Variants in ZFP90 observed in about 807,000 individuals in gnomAD.
The protein encoded by ZFP90 is ZFP90 zinc finger protein, also known as zinc finger protein 90 homolog.
ZFP90 carries 38 observed loss-of-function variants against 60.8 expected under a neutral mutation model. That is an observed-to-expected ratio of 0.62 (90% CI 0.48 to 0.82). The LOEUF (loss-of-function observed/expected upper bound fraction) is 0.82, where lower values mean the gene tolerates loss of function less well. ZFP90 is among the 40% of genes least tolerant of loss of function. The pLI is 0.00. For missense variants in ZFP90, 711 were observed against 759.1 expected (o/e 0.94, Z 0.74); for synonymous variants, 287 against 264.8 (o/e 1.08, Z -0.82).
chr16:68,576,036 TA>T (rs2091592645), exon 3 of ZFP90: 4 of 297,850 alleles, frequency 1.3e-5, no homozygotes, highest in Non-Finnish European at 2.2e-5. Context: ...AGGAAACATT[TA>T]TTTAAAAAAA....
chr16:68,548,118 T>G (rs1042084979), intron 2 of ZFP90, among the ~76,000 whole-genome samples: 4 of 152,096 alleles, frequency 2.6e-5, no homozygotes, highest in African/African-American at 9.7e-5. Flanking sequence ...TGAGCCACCG[T>G]GTCCGGCCCA....
At chr16:68,553,781 G>A (rs7202306) in intron 2 of ZFP90, among the ~76,000 whole-genome samples, 116,176 of 151,478 alleles carry the variant, frequency 0.77, 44,621 homozygotes, top group East Asian at 0.82. Context: ...ACCATGCCCA[G>A]CTAATTTTAA....
chr16:68,545,941 G>A (rs538879537), intron 2 of ZFP90, among the ~76,000 whole-genome samples: 119 of 152,316 alleles, frequency 7.8e-4, no homozygotes, highest in Non-Finnish European at 1.2e-3. Context: ...TTGGGAGGCC[G>A]AGACAGGCGA....
chr16:68,574,533 G>A (rs1020185399), intron 2 of ZFP90, among the ~76,000 whole-genome samples: 1 of 152,000 alleles, frequency 6.6e-6, no homozygotes, highest in Admixed American at 6.5e-5. Flanking sequence ...GAGCTAAGGA[G>A]AGTAAAGAAT....
chr16:68,569,977 T>C (rs939508649), downstream of ZFP90, among the ~76,000 whole-genome samples: 2 of 152,182 alleles, frequency 1.3e-5, no homozygotes, highest in Non-Finnish European at 2.9e-5. Flanking sequence ...ATTTTTTTTT[T>C]CGTCTACTGG....
chr16:68,544,958 C>G (rs1230607001), intron 2 of ZFP90, among the ~76,000 whole-genome samples: 2 of 139,476 alleles, frequency 1.4e-5, no homozygotes, highest in Non-Finnish European at 3.0e-5. Context: ...CGGCTCACTA[C>G]AACCTCCGCC....
chr16:68,534,919 TAAAAA>T (rs1279847439), upstream of ZFP90, among the ~76,000 whole-genome samples: 1 of 152,120 alleles, frequency 6.6e-6, no homozygotes, highest in Admixed American at 6.6e-5. Flanking sequence ...AATAAATAAA[TAAAAA>T]TAAAATAAAT....
At chr16:68,540,094 C>T (rs2152052613) in intron 2 of ZFP90, among the ~76,000 whole-genome samples, 1 of 152,200 alleles carries the variant, frequency 6.6e-6, no homozygotes, top group Non-Finnish European at 1.5e-5. Context: ...TTTTGAGAGT[C>T]CTGAATGCCA....
Position 68,564,138 on chromosome 16 carries a change from C to A in ZFP90, c.1351C>A (p.His451Asn), listed in dbSNP as rs1473913674. 6.2e-7 allele frequency: 1 copy of A among 1,614,044 alleles called. No individual in the cohort carries two copies. Among genetic ancestry groups the A allele is most frequent in the Non-Finnish European group, 8.5e-7 (1 of 1,180,032 alleles). ...CACTCTTACCGAAGTGAAATCCTAC[C>A]ATTGTAATGACTGTGGGGAAGACTT... is the stretch of plus-strand genomic sequence containing the variant. ...ESTLTEVKSYHCNDCGEDFSH... is the reference protein window; with the variant it reads ...ESTLTEVKSYNCNDCGEDFSH... The change falls in exon 5 of 5, where the codon CAT becomes AAT. Residue 451 changes from histidine to asparagine, a missense_variant. His to Asn is a moderately conservative substitution (Grantham distance 68, BLOSUM62 1). Coordinates refer to ENST00000563169, the MANE Select transcript of ZFP90 (RefSeq NM_001305203.2).
chr16:68,560,885 T>A (rs1377363048), intron 4 of ZFP90, among the ~76,000 whole-genome samples: 1 of 61,872 alleles, frequency 1.6e-5, no homozygotes, highest in Admixed American at 1.5e-4. Flanking sequence ...ATGCTTTATC[T>A]TCTTTTTTTT....
At chr16:68,549,395 T>C (rs1345581934) in intron 2 of ZFP90, among the ~76,000 whole-genome samples, 2 of 152,046 alleles carry the variant, frequency 1.3e-5, no homozygotes, top group Non-Finnish European at 2.9e-5. Context: ...AAGAAATTTT[T>C]GGCTGGGCGC....
At chr16:68,572,026 C>CA (rs749600551), downstream of ZFP90, among the ~76,000 whole-genome samples, 9 of 152,064 alleles carry the variant, frequency 5.9e-5, no homozygotes, top group Non-Finnish European at 1.2e-4. Flanking sequence ...ACTTTTTTAA[C>CA]AAACACTTTT....
In ZFP90 at chr16:68,563,714, C is replaced by T. The variant is rs370245671; in HGVS notation, c.927C>T (p.Pro309=). ...AGAATGCTCATACCGGAGAGAAACCCTATCAGTGTAGTCTCTGTGGGAAAG... is the reference window on the plus strand; with the variant it reads ...AGAATGCTCATACCGGAGAGAAACCTTATCAGTGTAGTCTCTGTGGGAAAG... ...QHENAHTGEK[P]YQCSLCGKAF... The change falls in exon 5 of 5, where the codon CCC becomes CCT. Residue 309 remains proline, a synonymous_variant. Transcript: ENST00000563169. 2.5e-6 allele frequency: 4 copies of T among 1,614,152 alleles called. No homozygotes were observed. Among genetic ancestry groups the T allele is most frequent in the Middle Eastern group, 1.6e-4 (1 of 6,062 alleles).
intron 2 of ZFP90, chr16:68,573,881 C>CTG (rs1273961333): frequency 6.6e-6 from 1 of 152,346 alleles, no homozygotes; most frequent in Non-Finnish European, 1.5e-5. Context: ...CACTTCTGGG[C>CTG]TGAACGTCTT....
intron 4 of ZFP90, chr16:68,562,027 ATTTC>A (rs1195729538): frequency 6.6e-6 from 1 of 152,046 alleles, no homozygotes; most frequent in African/African-American, 2.4e-5. Flanking sequence ...TTTATCATGT[ATTTC>A]TTTAGCCATC....
upstream of ZFP90, among the ~76,000 whole-genome samples, chr16:68,535,969 A>G (rs1567388869): frequency 6.6e-6 from 1 of 152,166 alleles, no homozygotes; most frequent in Non-Finnish European, 1.5e-5. Context: ...AGCTTCCTTC[A>G]GTCTCCAAAT....
At chr16:68,545,107 C>T (rs2091124247) in intron 2 of ZFP90, among the ~76,000 whole-genome samples, 2 of 151,794 alleles carry the variant, frequency 1.3e-5, no homozygotes, top group South Asian at 2.1e-4. Flanking sequence ...TTTCGATCTC[C>T]TGACCTCATG....
At chr16:68,550,544 C>T (rs1271170852) in intron 2 of ZFP90, among the ~76,000 whole-genome samples, 1 of 152,230 alleles carries the variant, frequency 6.6e-6, no homozygotes, top group Non-Finnish European at 1.5e-5. Flanking sequence ...AGCCACTGCG[C>T]CTGGCCCAGT....
At chr16:68,573,130 T>G (rs1394530137) in intron 2 of ZFP90, among the ~76,000 whole-genome samples, 1 of 152,206 alleles carries the variant, frequency 6.6e-6, no homozygotes, top group Non-Finnish European at 1.5e-5. Flanking sequence ...AACCCAGATG[T>G]ATGTTCACCC....
Sources: gnomAD v4.1 joint callset for allele counts (sites outside exome capture counted in the v4.1 genomes callset) on GRCh38, gnomAD v4.1.1 for gene constraint, MANE v1.5 for transcripts, NCBI Gene and HGNC (gene_info 2026-07-23, HGNC 2026-07-21) for gene names.